The following IQCM variants were observed in gnomAD, a reference collection of about 807,000 sequenced individuals.
IQCM encodes the protein IQ domain-containing protein M.
IQCM carries 45 observed loss-of-function variants against 57.6 expected under a neutral mutation model. The ratio of observed to expected loss-of-function variants is 0.78; its 90% CI spans 0.62 to 1.00. IQCM has a LOEUF of 1.00. Among genes scored for constraint, IQCM ranks in the 50% least tolerant of loss-of-function variants. The probability of loss-of-function intolerance (pLI) is 0.00; values close to 1 mark genes in which losing one functional copy is unlikely to be tolerated. For missense variants in IQCM, 468 were observed against 511.6 expected, an observed-to-expected ratio of 0.91 and a Z score of 0.82; for synonymous variants, 148 against 158.9, an observed-to-expected ratio of 0.93 and a Z score of 0.51.
chr4:149,764,087 T>C (rs1471745062), intron 2 of IQCM, among the ~76,000 whole-genome samples: 2 of 152,148 alleles, frequency 1.3e-5, no homozygotes, highest in East Asian at 3.9e-4. Context: ...GATGCTCTTA[T>C]ACCTTGTTGG....
At chr4:149,453,473 T>C (rs1737353726) in intron 12 of IQCM, among the ~76,000 whole-genome samples, 1 of 151,920 alleles carries the variant, frequency 6.6e-6, no homozygotes, top group African/African-American at 2.4e-5. Context: ...AAATCTTATT[T>C]GTGGTAATGG....
At chr4:149,616,507 T>C (rs1173677958) in intron 8 of IQCM, among the ~76,000 whole-genome samples, 1 of 152,090 alleles carries the variant, frequency 6.6e-6, no homozygotes, top group Non-Finnish European at 1.5e-5. Flanking sequence ...TGGAGATGGA[T>C]AGTAATGATG....
At chr4:149,410,375 C>A (rs1733291578) in intron 13 of IQCM, among the ~76,000 whole-genome samples, 1 of 151,668 alleles carries the variant, frequency 6.6e-6, no homozygotes. Context: ...AATAAGCTTT[C>A]CCTCTTGGAC....
At chr4:149,691,756 T>C (rs1762955089) in intron 5 of IQCM, 1 of 152,136 alleles carries the variant, frequency 6.6e-6, no homozygotes, top group African/African-American at 2.4e-5. Flanking sequence ...ACACTTGGAA[T>C]TGAATACATG....
chr4:149,792,437 T>C (rs1772720222), intron 2 of IQCM, among the ~76,000 whole-genome samples: 1 of 152,180 alleles, frequency 6.6e-6, no homozygotes, highest in South Asian at 2.1e-4. Flanking sequence ...GAGCACTTTA[T>C]ACTATGTGAT....
rs201418958 is a variant in IQCM, at chr4:149,368,946, GTA to G, written c.1391-16882_1391-16881del. Among the ~76,000 whole-genome samples, 10 of 54,230 alleles carry G rather than the reference GTA, an allele frequency of 1.8e-4. 3 individuals carry two copies. Among genetic ancestry groups the G allele is most frequent in the East Asian group, 1.3e-3 (3 of 2,282 alleles). 35.6% of individuals were successfully genotyped at this position (54,230 alleles called of 152,430 possible). A position where few individuals can be genotyped will look rare whatever the true frequency, so the allele number is the denominator to read the frequency against. ...TATATATACACGTGTATATATATGT[GTA>G]TATATATACACGTGTATATATATAT... On this transcript the variant is annotated intron_variant, in intron 13 of 13. Coordinates refer to ENST00000636793, the MANE Select transcript of IQCM (RefSeq NM_001363507.2).
intron 12 of IQCM, among the ~76,000 whole-genome samples, chr4:149,444,413 G>A (rs1579077427): frequency 6.6e-6 from 1 of 151,904 alleles, no homozygotes; most frequent in East Asian, 1.9e-4. Context: ...ATAGTAAACA[G>A]TAAATCCCTC....
rs184558963 is a variant in IQCM at position 149,539,370 on chromosome 4, G to A, written c.1228+9085C>T. On this transcript the variant is annotated intron_variant, in intron 12 of 13. Transcript: ENST00000636793. ...TATAGAGACAGAAGGCTGTCTAGTCGTTGTCTGGGGCTGGGGGTAAGAGTA... is the reference window on the plus strand; with the variant it reads ...TATAGAGACAGAAGGCTGTCTAGTCATTGTCTGGGGCTGGGGGTAAGAGTA... Among the ~76,000 whole-genome samples the A allele has an allele frequency of 2.0e-4, 30 of 152,218 alleles. No homozygotes were observed. In the East Asian group the frequency reaches 3.5e-3, roughly 18 times the overall value.
intron 12 of IQCM, among the ~76,000 whole-genome samples, chr4:149,495,192 T>C (rs1389014273): frequency 2.6e-5 from 4 of 152,152 alleles, no homozygotes; most frequent in Admixed American, 6.6e-5. Context: ...AAGTTTCTTA[T>C]ATATTCCAGG....
chr4:149,705,553 A>G (rs1764094589), intron 5 of IQCM, among the ~76,000 whole-genome samples: 1 of 151,774 alleles, frequency 6.6e-6, no homozygotes, highest in African/African-American at 2.4e-5. Flanking sequence ...ACTTGCCATA[A>G]ACGTCAAAAT....
At chr4:149,683,276 A>T (rs2150207462) in intron 6 of IQCM, among the ~76,000 whole-genome samples, 1 of 151,288 alleles carries the variant, frequency 6.6e-6, no homozygotes, top group East Asian at 1.9e-4. Flanking sequence ...GTGCACCTGT[A>T]TTTCCTTGTG....
At chr4:149,505,473 C>G (rs1205085040) in intron 12 of IQCM, among the ~76,000 whole-genome samples, 1 of 152,084 alleles carries the variant, frequency 6.6e-6, no homozygotes, top group Non-Finnish European at 1.5e-5. Flanking sequence ...TTAAGATTCC[C>G]AAAACTTGTA....
Position 149,547,449 on chromosome 4 carries a change from A to G in IQCM, c.1228+1006T>C, listed in dbSNP as rs568749476. Among the ~76,000 whole-genome samples, 74 of 152,330 alleles carry G rather than the reference A, an allele frequency of 4.9e-4. 1 individual carries two copies. In the South Asian group the frequency reaches 0.015, roughly 32 times the overall value. On this transcript the variant is annotated intron_variant, in intron 12 of 13. Transcript: ENST00000636793. ...ATGGGAAATCTATAAAAGTTGATAT[A>G]AAAGCATAGAGTTGGATGGCAGTTG...
chr4:149,526,573 T>TC lies in IQCM; in HGVS notation c.1228+21881dup, dbSNP rs1218452927. On this transcript the variant is annotated intron_variant, in intron 12 of 13. Coordinates refer to ENST00000636793, the MANE Select transcript of IQCM (RefSeq NM_001363507.2). ...TTACATTACACAAATGGAAATTTAA[T>TC]CTAGACAAATGAAACCTACTTGTCT... 1.3e-5 allele frequency among the ~76,000 whole-genome samples: 2 copies of TC among 152,078 alleles called. 1 individual carries two copies. Among genetic ancestry groups the TC allele is most frequent in the Non-Finnish European group, 2.9e-5 (2 of 67,952 alleles).
chr4:149,559,927 A>G (rs1749957707), intron 10 of IQCM, among the ~76,000 whole-genome samples: 1 of 152,194 alleles, frequency 6.6e-6, no homozygotes, highest in Middle Eastern at 3.2e-3. Flanking sequence ...CTAGAACCCT[A>G]TTGTGAACTG....
At chr4:149,732,326 G>A (rs1237399236) in intron 5 of IQCM, among the ~76,000 whole-genome samples, 1 of 152,014 alleles carries the variant, frequency 6.6e-6, no homozygotes, top group Non-Finnish European at 1.5e-5. Context: ...ACTCAGAATG[G>A]CATCTTCTGT....
intron 2 of IQCM, among the ~76,000 whole-genome samples, chr4:149,807,476 T>C (rs1774193064): frequency 6.6e-6 from 1 of 151,938 alleles, no homozygotes; most frequent in African/African-American, 2.4e-5. Flanking sequence ...AACTAGAAAC[T>C]ATGAGAAGAT....
chr4:149,679,941 A>C (rs1200170844), intron 7 of IQCM, among the ~76,000 whole-genome samples: 1 of 151,418 alleles, frequency 6.6e-6, no homozygotes, highest in African/African-American at 2.4e-5. Flanking sequence ...AAAGACACAA[A>C]GTGTGGACCA....
chr4:149,358,874 A>ATCATTATATACTC (rs1729238933), intron 13 of IQCM, among the ~76,000 whole-genome samples: 1 of 152,104 alleles, frequency 6.6e-6, no homozygotes, highest in Non-Finnish European at 1.5e-5. Flanking sequence ...TCATGAGTAT[A>ATCATTATATACTC]TCATGAGACC....
Sources: gnomAD v4.1 joint callset for allele counts (sites outside exome capture counted in the v4.1 genomes callset) on GRCh38, gnomAD v4.1.1 for gene constraint, MANE v1.5 for transcripts, NCBI Gene and HGNC (gene_info 2026-07-23, HGNC 2026-07-21) for gene names.